Variants in RARB observed in about 807,000 individuals in gnomAD.
RARB encodes the protein HBV-activated protein.
RARB carries 17 observed loss-of-function variants against 51.9 expected under a neutral mutation model. That is an observed-to-expected ratio of 0.33 (90% CI 0.22 to 0.49). The LOEUF (loss-of-function observed/expected upper bound fraction) is 0.49. RARB is among the 20% of genes least tolerant of loss of function. The probability of loss-of-function intolerance (pLI) is 0.99; values close to 1 mark genes in which losing one functional copy is unlikely to be tolerated. For synonymous variants in RARB, 215 were observed against 195.4 expected, an observed-to-expected ratio of 1.10 and a Z score of -0.84; for missense variants, 369 against 550.8, an observed-to-expected ratio of 0.67 and a Z score of 3.30.
chr3:25,187,352 G>T (rs180864213), intron 5 of RARB, among the ~76,000 whole-genome samples: 47 of 152,050 alleles, frequency 3.1e-4, no homozygotes, highest in Admixed American at 1.2e-3. Context: ...GGTACTTCTT[G>T]GTGGTGCAGT....
At position 25,090,407 on chromosome 3, in the gene RARB, G is replaced by C. The variant is rs1699176514; in HGVS notation, c.-328+30231G>C. ...TTTTGCACAAATATTTTAATCTTAA[G>C]AAATATTTCACTGCCTGTGTTCAAT... On this transcript the variant is annotated intron_variant, in intron 3 of 11. Transcript: ENST00000383772. Among the ~76,000 whole-genome samples the C allele has an allele frequency of 1.3e-5, 2 of 152,056 alleles. 1 individual carries two copies. The highest frequency in any genetic ancestry group is 2.9e-5 in the Non-Finnish European group (2 of 67,990).
intron 5 of RARB, among the ~76,000 whole-genome samples, chr3:25,336,595 C>T (rs12492794): frequency 0.34 from 52,174 of 151,910 alleles, 9,809 homozygotes; most frequent in East Asian, 0.75. Context: ...AGCTTTGGAG[C>T]GGGATAAGGA....
At chr3:25,340,560 CA>C (rs1705197933) in intron 5 of RARB, among the ~76,000 whole-genome samples, 1 of 152,084 alleles carries the variant, frequency 6.6e-6, no homozygotes, top group African/African-American at 2.4e-5. Context: ...TGGCTCTGAC[CA>C]AAACAAAACA....
chr3:25,111,654 C>G (rs1197419386), intron 3 of RARB, among the ~76,000 whole-genome samples: 3 of 142,980 alleles, frequency 2.1e-5, no homozygotes, highest in African/African-American at 7.7e-5. Flanking sequence ...TCTCAGCTCA[C>G]TGCAACCTCC....
At chr3:25,253,699 A>G (rs550254655) in intron 5 of RARB, among the ~76,000 whole-genome samples, 9 of 152,218 alleles carry the variant, frequency 5.9e-5, no homozygotes, top group Admixed American at 3.9e-4. Flanking sequence ...GTCAAAAGCT[A>G]TAGCTCACCA....
intron 5 of RARB, among the ~76,000 whole-genome samples, chr3:25,193,351 T>C (rs1701149042): frequency 6.6e-6 from 1 of 151,884 alleles, no homozygotes; most frequent in Non-Finnish European, 1.5e-5. Context: ...GCAGAGGAAG[T>C]CTGTTAAAAA....
rs112207806 is a variant in RARB, at chr3:25,501,174, G to T, written c.307-8G>T. The T allele has an allele frequency of 6.4e-7, 1 of 1,565,158 alleles. No individual in the cohort carries two copies. Among genetic ancestry groups the T allele is most frequent in the African/African-American group, 1.4e-5 (1 of 71,498 alleles). On this transcript the variant is annotated splice_region_variant and splice_polypyrimidine_tract_variant and intron_variant, in intron 2 of 7. Transcript: ENST00000330688. ...ACTGAGTTTTTTCATCTTCTTGCTT[G>T]CTTGCAGGGCTTTTTCCGCAGAAGT...
At chr3:25,436,092 C>T (rs960019439) in intron 1 of RARB, among the ~76,000 whole-genome samples, 1 of 152,128 alleles carries the variant, frequency 6.6e-6, no homozygotes, top group Non-Finnish European at 1.5e-5. Flanking sequence ...GGATTAAGAT[C>T]GTCAGGGGTT....
intron 2 of RARB, among the ~76,000 whole-genome samples, chr3:25,017,071 T>C (rs1181332776): frequency 1.3e-5 from 2 of 152,180 alleles, no homozygotes; most frequent in African/African-American, 4.8e-5. Flanking sequence ...AATTAGGCTC[T>C]ACTTCTTGGT....
chr3:24,836,362 C>G (rs1702345464), intron 1 of RARB, among the ~76,000 whole-genome samples: 1 of 152,146 alleles, frequency 6.6e-6, no homozygotes, highest in Admixed American at 6.6e-5. Context: ...AATATGACTC[C>G]TGTTTTCTAG....
At chr3:24,834,173 A>G (rs1702314036) in intron 1 of RARB, among the ~76,000 whole-genome samples, 1 of 152,230 alleles carries the variant, frequency 6.6e-6, no homozygotes, top group African/African-American at 2.4e-5. Flanking sequence ...GCTGAGAAAT[A>G]TGCTTGGTGG....
chr3:24,848,219 G>A lies in RARB; in HGVS notation c.-458-10455G>A, dbSNP rs555388211. On this transcript the variant is annotated intron_variant, in intron 1 of 11. Transcript: ENST00000383772. ...AGACCACAGGCAAGCGCCACCTTGC[G>A]CAGCTAATTTTTGTATTTTTGGTAG... is the stretch of plus-strand genomic sequence containing the variant. 6.6e-5 allele frequency among the ~76,000 whole-genome samples: 10 copies of A among 152,134 alleles called. No homozygotes were observed. In the South Asian group the frequency reaches 1.0e-3, roughly 16 times the overall value.
intron 5 of RARB, among the ~76,000 whole-genome samples, chr3:25,336,295 A>G (rs7649070): frequency 0.14 from 20,996 of 152,242 alleles, 1,599 homozygotes; most frequent in South Asian, 0.19. Context: ...TGAGAATGAC[A>G]TACATGCTTT....
In RARB at chr3:25,586,920, C is replaced by T. The variant is rs143327677; in HGVS notation, c.786+6198C>T. Among the ~76,000 whole-genome samples the T allele has an allele frequency of 2.1e-3, 318 of 152,332 alleles. 1 individual carries two copies. Among genetic ancestry groups the T allele is most frequent in the African/African-American group, 7.2e-3 (301 of 41,572 alleles). ...GGCCCTGGGTCTCTCCTAGCCTCAG[C>T]TTACCCACCTGTAGATGTGGCACGA... On this transcript the variant is annotated intron_variant, in intron 5 of 7. Coordinates refer to ENST00000330688, the MANE Select transcript of RARB (RefSeq NM_000965.5).
At chr3:25,255,688 T>C (rs948237264) in intron 5 of RARB, among the ~76,000 whole-genome samples, 4 of 152,162 alleles carry the variant, frequency 2.6e-5, no homozygotes, top group Non-Finnish European at 5.9e-5. Flanking sequence ...CTTTGCGTTA[T>C]ATTAGAGTGG....
chr3:25,407,439 A>G (rs9840999), intron 5 of RARB, among the ~76,000 whole-genome samples: 107,207 of 151,958 alleles, frequency 0.71, 38,551 homozygotes, highest in African/African-American at 0.84. Flanking sequence ...TTTACAAGAG[A>G]CCTGCTTAAA....
intron 5 of RARB, among the ~76,000 whole-genome samples, chr3:25,367,852 G>T (rs1706174722): frequency 6.6e-6 from 1 of 151,194 alleles, no homozygotes; most frequent in Non-Finnish European, 1.5e-5. Context: ...AAGAAATATG[G>T]CTATTCAATT....
At chr3:25,458,825 T>C (rs67306275) in intron 1 of RARB, among the ~76,000 whole-genome samples, 21,892 of 152,180 alleles carry the variant, frequency 0.14, 1,750 homozygotes, top group African/African-American at 0.2. Context: ...ATTAATTACT[T>C]TTTTAAGGAA....
intron 4 of RARB, among the ~76,000 whole-genome samples, chr3:25,577,143 C>T (rs1700969341): frequency 6.6e-6 from 1 of 152,148 alleles, no homozygotes; most frequent in Non-Finnish European, 1.5e-5. Context: ...TGACGTGGTG[C>T]ACTGGTGGGA....
Sources: allele counts gnomAD v4.1 joint callset (sites outside exome capture counted in the v4.1 genomes callset), GRCh38; gene constraint gnomAD v4.1.1; transcripts MANE v1.5; gene names NCBI Gene and HGNC (gene_info 2026-07-23, HGNC 2026-07-21).